The following WNK2 variants were observed in gnomAD, a reference collection of about 807,000 sequenced individuals.
WNK2 encodes serine/threonine-protein kinase WNK2.
WNK2 carries 67 observed loss-of-function variants against 192.1 expected under a neutral mutation model. That is an observed-to-expected ratio of 0.35 (90% CI 0.29 to 0.43). The LOEUF is 0.43. Ranked by LOEUF, WNK2 falls within the 20% of genes least tolerant of loss-of-function variation. The pLI is 1.00. For synonymous variants in WNK2, 1,439 were observed against 1,393.9 expected (o/e 1.03, Z -0.72); for missense variants, 2,698 against 3,089.7 (o/e 0.87, Z 3.01).
intron 26 of WNK2, among the ~76,000 whole-genome samples, chr9:93,302,344 G>A (rs916399827): frequency 6.6e-6 from 1 of 152,092 alleles, no homozygotes; most frequent in South Asian, 2.1e-4. Context: ...GCTGAGGTCG[G>A]TGTATGGAAG....
At chr9:93,231,330 G>C (rs868022865) in intron 4 of WNK2, among the ~76,000 whole-genome samples, 1 of 152,242 alleles carries the variant, frequency 6.6e-6, no homozygotes, top group Non-Finnish European at 1.5e-5. Context: ...GACCACTTGG[G>C]CTGGGATAGC....
chr9:93,232,202 A>T (rs1246443095), intron 4 of WNK2, among the ~76,000 whole-genome samples: 1 of 152,136 alleles, frequency 6.6e-6, no homozygotes, highest in African/African-American at 2.4e-5. Context: ...TGTGGGGAAA[A>T]TGAGACTCCA....
At chr9:93,290,332 CT>C (rs376431200) in intron 21 of WNK2, among the ~76,000 whole-genome samples, 2,772 of 138,508 alleles carry the variant, frequency 0.02, 58 homozygotes, top group African/African-American at 0.059. Context: ...TTCTTATGAG[CT>C]TTTTTTTTTT....
chr9:93,278,804 A>G (rs1321935159), intron 19 of WNK2, among the ~76,000 whole-genome samples: 6 of 152,242 alleles, frequency 3.9e-5, no homozygotes, highest in Non-Finnish European at 5.9e-5. Context: ...GACAGTTACT[A>G]TAACTGTAGT....
Position 93,230,818 on chromosome 9 carries a change from A to C in WNK2, c.855-70A>C, listed in dbSNP as rs542972644. On this transcript the variant is annotated intron_variant, in intron 3 of 29. Transcript: ENST00000427277. ...CTTTGTACCAGGCCTAAGCAGTGTT[A>C]GGTGGGGGCTTTGCTAGGGGGCCGC... The C allele has an allele frequency of 6.2e-5, 85 of 1,379,420 alleles. No homozygotes were observed. The African/African-American group carries it at 1.2e-3, about 19-fold the overall frequency. The allele number at this position is 1,379,420 out of a possible 1,614,324, so 85.4% of individuals were successfully genotyped here.
intron 2 of WNK2, among the ~76,000 whole-genome samples, chr9:93,201,864 C>T (rs1265367046): frequency 6.6e-6 from 1 of 152,332 alleles, no homozygotes; most frequent in East Asian, 1.9e-4. Flanking sequence ...CCAGCCCTGC[C>T]GGCCGCTTCC....
At chr9:93,302,635 G>C (rs1851816030) in intron 26 of WNK2, among the ~76,000 whole-genome samples, 1 of 152,248 alleles carries the variant, frequency 6.6e-6, no homozygotes, top group African/African-American at 2.4e-5. Context: ...GTTGAGGCCA[G>C]GCCAGAGGAT....
rs1831654606 is a variant in WNK2 at position 93,198,348 on chromosome 9, A to G, written c.681+12738A>G. Among the ~76,000 whole-genome samples the G allele has an allele frequency of 2.0e-5, 3 of 152,344 alleles. No homozygotes were observed. The South Asian group carries it at 6.2e-4, about 32-fold the overall frequency. ...CTGAGCGGCTGCAGTTTCCCCAGGC[A>G]GGCGGGGCTTGCTGGCAGGAGGAGG... On this transcript the variant is annotated intron_variant, in intron 2 of 29. Transcript: ENST00000427277.
In WNK2 at chr9:93,253,000, T is replaced by C. The variant is rs1381014018; in HGVS notation, c.1952T>C (p.Val651Ala). 6.4e-7 allele frequency: 1 copy of C among 1,562,816 alleles called. No homozygotes were observed. Among genetic ancestry groups the C allele is most frequent in the South Asian group, 1.2e-5 (1 of 84,618 alleles). ...ADAAPSPAQC[V>A]CSPPVSEGPV... Reference sequence around the variant, plus strand: ...GCAGCGCCGTCCCCGGCCCAGTGTGTGTGCAGCCCCCCTGTGAGCGAGGGG... The same window carrying C: ...GCAGCGCCGTCCCCGGCCCAGTGTGCGTGCAGCCCCCCTGTGAGCGAGGGG... The change falls in exon 9 of 30, where the codon GTG becomes GCG. Residue 651 changes from valine (V) to alanine (A), a missense_variant. By Grantham distance (64) the Val-to-Ala change is moderately conservative (BLOSUM62 0). Around this residue, in one of 7 missense-constraint regions of WNK2, gnomAD observed 893 missense variants for 909.0 expected, o/e 0.98. Transcript: ENST00000427277.
chr9:93,256,529 T>A, intron 10 of WNK2, 75 bp downstream of exon 10: 1 of 1,412,744 alleles, frequency 7.1e-7, no homozygotes, highest in Middle Eastern at 2.4e-4. Context: ...GGCCCAGGTC[T>A]ATGAGCACCT....
At position 93,203,791 on chromosome 9, in the gene WNK2, G is replaced by C. The variant is rs1461026421; in HGVS notation, c.681+18181G>C. On this transcript the variant is annotated intron_variant, in intron 2 of 29. Coordinates refer to ENST00000427277, the MANE Select transcript of WNK2 (RefSeq NM_006648.4). ...GAACGAGGCATCTCGAACTGTGAGA[G>C]AATACAGGTGGTGTTGGAAGCCCTG... Among the ~76,000 whole-genome samples, 3 of 152,186 alleles carry C rather than the reference G, an allele frequency of 2.0e-5. No homozygotes were observed. The East Asian group carries it at 5.8e-4, about 29-fold the overall frequency.
At chr9:93,193,258 A>G (rs952660082) in intron 2 of WNK2, among the ~76,000 whole-genome samples, 5 of 152,166 alleles carry the variant, frequency 3.3e-5, no homozygotes, top group African/African-American at 1.2e-4. Context: ...GTGCGTGGCC[A>G]TGGGAGGGCA....
At position 93,256,930 on chromosome 9, in the gene WNK2, T is replaced by C. The variant is rs1843402385; in HGVS notation, c.2191-18T>C. Reference sequence around the variant, plus strand: ...GGCAGATTGGTGGTCTAAGGGGAGCTACCTTCTCTCCCTCTAGCCTCCTCC... The same window carrying C: ...GGCAGATTGGTGGTCTAAGGGGAGCCACCTTCTCTCCCTCTAGCCTCCTCC... On this transcript the variant is annotated intron_variant, in intron 10 of 29. Coordinates refer to ENST00000427277, the MANE Select transcript of WNK2 (RefSeq NM_006648.4). The C allele has an allele frequency of 1.9e-6, 3 of 1,540,270 alleles. No individual in the cohort carries two copies. The highest frequency in any genetic ancestry group is 1.2e-5 in the South Asian group (1 of 84,120).
intron 19 of WNK2, among the ~76,000 whole-genome samples, chr9:93,274,104 A>C (rs1258154446): frequency 6.6e-6 from 1 of 152,250 alleles, no homozygotes; most frequent in Non-Finnish European, 1.5e-5. Flanking sequence ...AAGAGCAGAA[A>C]GCTGTGATAT....
At chr9:93,255,287 T>C (rs2096812804) in intron 9 of WNK2, among the ~76,000 whole-genome samples, 1 of 152,180 alleles carries the variant, frequency 6.6e-6, no homozygotes, top group African/African-American at 2.4e-5. Context: ...GAGGAGCAGC[T>C]GCCGTGGGGC....
intron 19 of WNK2, among the ~76,000 whole-genome samples, chr9:93,287,892 C>A (rs1233670881): frequency 6.6e-6 from 1 of 152,070 alleles, no homozygotes; most frequent in Non-Finnish European, 1.5e-5. Context: ...GAAACCCAGT[C>A]TCATATGAAA....
intron 7 of WNK2, among the ~76,000 whole-genome samples, chr9:93,244,405 C>G (rs1036646436): frequency 1.3e-5 from 2 of 152,232 alleles, no homozygotes; most frequent in Non-Finnish European, 2.9e-5. Flanking sequence ...CCTTCATACT[C>G]TCCTGATAAT....
chr9:93,308,491 G>A lies in WNK2; in HGVS notation c.6423G>A (p.Gln2141=). ...CGAGCAAGACGGTGGGGGCCGCGCAGCTGAAGCCCACGCTCAACCAGCTGA... is the reference window on the plus strand; with the variant it reads ...CGAGCAAGACGGTGGGGGCCGCGCAACTGAAGCCCACGCTCAACCAGCTGA... The part of the protein sequence containing the change: ...EWTSKTVGAA[Q]LKPTLNQLKQ... Residue 2141 remains glutamine (Q), a synonymous_variant, in exon 28 of 30, where the codon CAG becomes CAA. Coordinates refer to ENST00000427277, the MANE Select transcript of WNK2 (RefSeq NM_006648.4). The A allele has an allele frequency of 6.2e-7, 1 of 1,608,578 alleles. No homozygotes were observed. Among genetic ancestry groups the A allele is most frequent in the Non-Finnish European group, 8.5e-7 (1 of 1,178,132 alleles).
At chr9:93,206,733 G>A (rs1833460029) in intron 2 of WNK2, among the ~76,000 whole-genome samples, 1 of 152,218 alleles carries the variant, frequency 6.6e-6, no homozygotes, top group Admixed American at 6.5e-5. Flanking sequence ...GGATGGACAG[G>A]AGGAGGCTGT....
Sources: allele counts gnomAD v4.1 joint callset (sites outside exome capture counted in the v4.1 genomes callset), GRCh38; gene constraint gnomAD v4.1.1; regional missense constraint gnomAD v4.1.1; transcripts MANE v1.5; gene names NCBI Gene and HGNC (gene_info 2026-07-23, HGNC 2026-07-21).